Variants in ATRNL1 observed in about 807,000 individuals in gnomAD.
The protein encoded by ATRNL1 is attractin like 1, also known as attractin-like protein 1.
ATRNL1 carries 95 observed loss-of-function variants against 182.7 expected under a neutral mutation model. The ratio of observed to expected loss-of-function variants is 0.52; its 90% CI spans 0.44 to 0.62. The LOEUF (loss-of-function observed/expected upper bound fraction) is 0.62. Ranked by LOEUF, ATRNL1 falls within the 20% of genes least tolerant of loss-of-function variation. The probability of loss-of-function intolerance (pLI) is 0.00; values close to 1 mark genes in which losing one functional copy is unlikely to be tolerated. For missense variants in ATRNL1, 1,471 were observed against 1,679.5 expected, an observed-to-expected ratio of 0.88 and a Z score of 2.17; for synonymous variants, 576 against 568.3, an observed-to-expected ratio of 1.01 and a Z score of -0.19.
intron 8 of ATRNL1, among the ~76,000 whole-genome samples, chr10:115,182,303 A>G (rs1348095747): frequency 6.6e-6 from 1 of 151,584 alleles, no homozygotes; most frequent in Non-Finnish European, 1.5e-5. Context: ...AGAACAGATA[A>G]TAAAATTAGG....
chr10:115,857,586 T>C (rs1951217206), intron 28 of ATRNL1, among the ~76,000 whole-genome samples: 3 of 152,246 alleles, frequency 2.0e-5, no homozygotes, highest in African/African-American at 7.2e-5. Flanking sequence ...TACTGACCAG[T>C]GTCACTGTAA....
chr10:115,758,024 C>T (rs1948635494), intron 27 of ATRNL1, among the ~76,000 whole-genome samples: 1 of 151,788 alleles, frequency 6.6e-6, no homozygotes, highest in Admixed American at 6.6e-5. Flanking sequence ...CATTTATGTT[C>T]TTCTCTAAGC....
chr10:115,226,092 C>T (rs1849682658), intron 9 of ATRNL1, among the ~76,000 whole-genome samples: 1 of 151,574 alleles, frequency 6.6e-6, no homozygotes, highest in Non-Finnish European at 1.5e-5. Context: ...ACTAATGCAG[C>T]AAATAGAATT....
At chr10:115,407,985 CTTTTTTTTT>C (rs71010022) in intron 20 of ATRNL1, among the ~76,000 whole-genome samples, 11 of 97,808 alleles carry the variant, frequency 1.1e-4, no homozygotes, top group African/African-American at 4.6e-4. Context: ...ATTTGCATTT[CTTTTTTTTT>C]TTTTTTTTTT....
chr10:115,308,514 AT>A (rs1324935670), intron 17 of ATRNL1, among the ~76,000 whole-genome samples: 1 of 152,146 alleles, frequency 6.6e-6, no homozygotes, highest in Non-Finnish European at 1.5e-5. Context: ...AAGGAAGGTA[AT>A]CATTTTTAAA....
intron 10 of ATRNL1, among the ~76,000 whole-genome samples, chr10:115,256,137 T>G (rs1851121786): frequency 6.6e-6 from 1 of 152,216 alleles, no homozygotes; most frequent in African/African-American, 2.4e-5. Context: ...GGTATCAGGA[T>G]GATGCTGGCC....
At chr10:115,928,908 A>T (rs556255012) in intron 28 of ATRNL1, among the ~76,000 whole-genome samples, 2 of 152,086 alleles carry the variant, frequency 1.3e-5, no homozygotes, top group Middle Eastern at 3.4e-3. Flanking sequence ...TTTAAATTTG[A>T]TTCTCTCATA....
At chr10:115,138,505 T>G (rs1199143348) in intron 5 of ATRNL1, among the ~76,000 whole-genome samples, 1 of 151,822 alleles carries the variant, frequency 6.6e-6, no homozygotes, top group Admixed American at 6.5e-5. Flanking sequence ...TTGACTTGCA[T>G]GTACCTGAAG....
At chr10:115,711,153 A>G (rs1565308465) in intron 26 of ATRNL1, among the ~76,000 whole-genome samples, 2 of 152,120 alleles carry the variant, frequency 1.3e-5, no homozygotes, top group Non-Finnish European at 2.9e-5. Context: ...CATTTTTATT[A>G]TTGATAAAAG....
At chr10:115,824,807 G>T (rs1174913472) in intron 27 of ATRNL1, among the ~76,000 whole-genome samples, 2 of 152,194 alleles carry the variant, frequency 1.3e-5, no homozygotes, top group African/African-American at 4.8e-5. Context: ...TACACTGTTG[G>T]TGGGTGTGTA....
At chr10:115,298,464 T>C (rs1853313384) in intron 15 of ATRNL1, among the ~76,000 whole-genome samples, 1 of 152,154 alleles carries the variant, frequency 6.6e-6, no homozygotes, top group South Asian at 2.1e-4. Flanking sequence ...TAGGGAGTAA[T>C]ATTTCATTTT....
intron 6 of ATRNL1, among the ~76,000 whole-genome samples, chr10:115,163,948 A>G (rs1427252172): frequency 6.6e-6 from 1 of 152,284 alleles, no homozygotes; most frequent in East Asian, 1.9e-4. Flanking sequence ...CAATGCTGCA[A>G]ACAAATTTGG....
rs188387446 is a variant in ATRNL1 at position 115,184,893 on chromosome 10, T to G, written c.1348+13601T>G. Among the ~76,000 whole-genome samples the G allele has an allele frequency of 2.0e-5, 3 of 152,108 alleles. No individual in the cohort carries two copies. The East Asian group carries it at 5.8e-4, about 29-fold the overall frequency. Reference sequence around the variant, plus strand: ...TATGTGCTCTCAGTCGAGGTTTAGATGCGAAGAAGGACTGCAAACAAATCT... The same window carrying G: ...TATGTGCTCTCAGTCGAGGTTTAGAGGCGAAGAAGGACTGCAAACAAATCT... On this transcript the variant is annotated intron_variant, in intron 8 of 28. Coordinates refer to ENST00000355044, the MANE Select transcript of ATRNL1 (RefSeq NM_207303.4).
At chr10:115,491,385 GT>G (rs1255363976) in intron 24 of ATRNL1, among the ~76,000 whole-genome samples, 1 of 151,214 alleles carries the variant, frequency 6.6e-6, no homozygotes, top group Admixed American at 6.6e-5. Flanking sequence ...GGAGATGGGG[GT>G]TTTATCTTTA....
chr10:115,315,758 C>G, intron 18 of ATRNL1, 22 bp downstream of exon 18: 1 of 1,584,550 alleles, frequency 6.3e-7, no homozygotes, highest in South Asian at 1.1e-5. Flanking sequence ...GTAATGGAAA[C>G]AATTTCAGTT....
chr10:115,286,449 A>T, intron 15 of ATRNL1, 52 bp downstream of exon 15: 1 of 1,206,608 alleles, frequency 8.3e-7, no homozygotes. Context: ...TAATTTCATA[A>T]TTATTTGAAA....
chr10:115,803,761 A>G (rs1949854051), intron 27 of ATRNL1, among the ~76,000 whole-genome samples: 1 of 152,096 alleles, frequency 6.6e-6, no homozygotes, highest in South Asian at 2.1e-4. Flanking sequence ...ACATATAAAT[A>G]AACTCTTTTA....
intron 5 of ATRNL1, among the ~76,000 whole-genome samples, chr10:115,132,212 A>G (rs1233013346): frequency 1.3e-5 from 2 of 152,102 alleles, no homozygotes; most frequent in African/African-American, 4.8e-5. Context: ...TAGTTTGCTG[A>G]GAATGATGGT....
intron 19 of ATRNL1, among the ~76,000 whole-genome samples, chr10:115,389,586 ATATATT>A (rs1843910468): frequency 5.5e-5 from 5 of 91,204 alleles, no homozygotes; most frequent in South Asian, 3.4e-4. Context: ...ATATATATAT[ATATATT>A]TCATCCAATG....
Sources: allele counts gnomAD v4.1 joint callset (sites outside exome capture counted in the v4.1 genomes callset), GRCh38; gene constraint gnomAD v4.1.1; transcripts MANE v1.5; gene names NCBI Gene and HGNC (gene_info 2026-07-23, HGNC 2026-07-21).